DHX34: variants seen among roughly 807,000 people sequenced by gnomAD.
The protein encoded by DHX34 is DExH-box helicase 34.
In DHX34, 96 loss-of-function variants were observed where a neutral mutation model predicts 111.1. That is an observed-to-expected ratio of 0.86 (90% confidence interval 0.73 to 1.02). The LOEUF is 1.02. Ranked by LOEUF, DHX34 falls within the 50% of genes least tolerant of loss-of-function variation. The probability of loss-of-function intolerance (pLI) is 0.00; values close to 1 mark genes in which losing one functional copy is unlikely to be tolerated. For synonymous variants in DHX34, 688 were observed against 670.4 expected (o/e 1.03, Z -0.41); for missense variants, 1,560 against 1,579.9 (o/e 0.99, Z 0.21).
chr19:47,349,671 G>T (rs148911212), intron 1 of DHX34, among the ~76,000 whole-genome samples: 1 of 152,294 alleles, frequency 6.6e-6, no homozygotes, highest in Non-Finnish European at 1.5e-5. Context: ...CGAGAGTGCC[G>T]ATGGGTTCCA....
rs112007286 is a variant in DHX34 at position 47,358,180 on chromosome 19, G to A, written c.1272+60G>A. 56 of 1,560,228 alleles carry A rather than the reference G, an allele frequency of 3.6e-5. No homozygotes were observed. The African/African-American group carries it at 6.2e-4, about 17-fold the overall frequency. ...GTCTGCATGAGTCAGGGGTGGCTGC[G>A]CACAGGACTTGTGTAACTCCACAAA... On this transcript the variant is annotated intron_variant, in intron 4 of 16. Coordinates refer to ENST00000328771, the MANE Select transcript of DHX34 (RefSeq NM_014681.6).
Position 47,372,866 on chromosome 19 carries a change from G to T in DHX34, c.1905G>T (p.Leu635=). 2 of 1,610,958 alleles carry T rather than the reference G, an allele frequency of 1.2e-6. No homozygotes were observed. The highest frequency in any genetic ancestry group is 1.3e-5 in the African/African-American group (1 of 75,056). Residue 635 remains leucine, a synonymous_variant, in exon 8 of 17, where the codon CTG becomes CTT. Transcript: ENST00000328771. The stretch of plus-strand genomic sequence containing the variant: ...AGTGCGCGGCAGCACGGCGGCCGCT[G>T]GAGAGCGACCAGGGTGACCCCTTCA... ...SPECAAARRP[L]ESDQGDPFTL...
In DHX34 at chr19:47,377,098, AGAC is replaced by A. The variant is rs769560153; in HGVS notation, c.2602_2604del (p.Asp868del). Reference sequence around the variant, plus strand: ...CCTGAGCGGTCCTCCTCAACCTTTCAGACGACAAGGACAAGATGAGCAGCAAAC... The same window carrying A: ...CCTGAGCGGTCCTCCTCAACCTTTCAGACAAGGACAAGATGAGCAGCAAAC... On this transcript the variant is annotated splice_acceptor_variant and coding_sequence_variant, in exon 13 of 17. Coordinates refer to ENST00000328771, the MANE Select transcript of DHX34 (RefSeq NM_014681.6). LOFTEE classifies it high-confidence loss of function. 5.0e-6 allele frequency: 8 copies of A among 1,613,930 alleles called. No individual in the cohort carries two copies. The highest frequency in any genetic ancestry group is 2.2e-5 in the South Asian group (2 of 91,082).
At chr19:47,373,023 TG>T in intron 8 of DHX34, 100 bp downstream of exon 8, 24 of 1,399,818 alleles carry the variant, frequency 1.7e-5, no homozygotes, top group Non-Finnish European at 2.2e-5. Context: ...AGCCCCACCC[TG>T]GGAGGACCAC....
chr19:47,371,499 T>C (rs569032937), intron 7 of DHX34, among the ~76,000 whole-genome samples: 3 of 152,314 alleles, frequency 2.0e-5, no homozygotes, highest in African/African-American at 7.2e-5. Context: ...CACTTTTCCC[T>C]GGTGACAGAG....
At chr19:47,377,072 GC>G in intron 12 of DHX34, 27 bp from the exon 13 acceptor site, 1 of 1,613,372 alleles carries the variant, frequency 6.2e-7, no homozygotes, top group South Asian at 1.1e-5. Flanking sequence ...GCCAGGGTGG[GC>G]CTGAGCGGTC....
intron 5 of DHX34, among the ~76,000 whole-genome samples, chr19:47,360,948 G>A (rs1205120117): frequency 6.6e-6 from 1 of 151,928 alleles, no homozygotes; most frequent in Admixed American, 6.6e-5. Context: ...GGGATTACGG[G>A]CATGAGCCAC....
chr19:47,363,379 T>C (rs1379876860), intron 6 of DHX34, among the ~76,000 whole-genome samples: 1 of 150,970 alleles, frequency 6.6e-6, no homozygotes, highest in East Asian at 2.0e-4. Context: ...CCATGAGCCA[T>C]TGTGCCCAGC....
At chr19:47,351,171 CTTTTTTT>C (rs955543104) in intron 1 of DHX34, among the ~76,000 whole-genome samples, 1,734 of 93,080 alleles carry the variant, frequency 0.019, 52 homozygotes, top group African/African-American at 0.068. Context: ...TTTTCTTTTT[CTTTTTTT>C]TTTTTTTTTT....
intron 12 of DHX34, 156 bp from the exon 13 acceptor site, chr19:47,376,944 G>C (rs747410971): frequency 1.3e-6 from 2 of 1,539,536 alleles, no homozygotes; most frequent in Non-Finnish European, 1.7e-6. Flanking sequence ...GTCACATTCA[G>C]ATTTGGCTGA....
intron 3 of DHX34, among the ~76,000 whole-genome samples, chr19:47,355,972 C>T (rs1480386856): frequency 2.6e-5 from 4 of 152,160 alleles, no homozygotes; most frequent in Admixed American, 6.6e-5. Flanking sequence ...TTCAGGGATC[C>T]GGGCTCCTCC....
chr19:47,367,934 G>C (rs1470292999), intron 7 of DHX34, among the ~76,000 whole-genome samples: 1 of 150,214 alleles, frequency 6.7e-6, no homozygotes, highest in Non-Finnish European at 1.5e-5. Context: ...AAACAGGTGA[G>C]ATTCATTTTG....
In DHX34 at chr19:47,368,145, G is replaced by T. The variant is rs528205015; in HGVS notation, c.1768+990G>T. Among the ~76,000 whole-genome samples, 11 of 150,386 alleles carry T rather than the reference G, an allele frequency of 7.3e-5. No individual in the cohort carries two copies. The East Asian group carries it at 1.7e-3, about 24-fold the overall frequency. ...TGGACAGTGCAGATGGTGCATGAGG[G>T]TGTTCGGGCAGTGGGAACAGCCAGT... On this transcript the variant is annotated intron_variant, in intron 7 of 16. Coordinates refer to ENST00000328771, the MANE Select transcript of DHX34 (RefSeq NM_014681.6).
chr19:47,364,811 G>A (rs1004090235), intron 6 of DHX34, among the ~76,000 whole-genome samples: 5 of 152,096 alleles, frequency 3.3e-5, no homozygotes, highest in Non-Finnish European at 7.4e-5. Context: ...CAGAGAGAGA[G>A]AAAATATTGC....
At chr19:47,381,423 G>A (rs1970355255) in intron 16 of DHX34, 99 bp downstream of exon 16, 1 of 1,491,102 alleles carries the variant, frequency 6.7e-7, no homozygotes, top group South Asian at 1.3e-5. Context: ...GAGCTTCGAG[G>A]ACTGACGACC....
chr19:47,355,731 A>C (rs1454622476), intron 3 of DHX34, among the ~76,000 whole-genome samples: 2 of 152,086 alleles, frequency 1.3e-5, no homozygotes, highest in African/African-American at 4.8e-5. Flanking sequence ...GGGTGCCTGT[A>C]GTCCCAGCTA....
chr19:47,375,956 G>A lies in DHX34; in HGVS notation c.2340G>A (p.Ala780=), dbSNP rs142274669. 3.6e-5 allele frequency: 58 copies of A among 1,601,226 alleles called. No individual in the cohort carries two copies. Among genetic ancestry groups the A allele is most frequent in the East Asian group, 6.7e-5 (3 of 44,640 alleles). The change falls in exon 11 of 17, where the codon GCG becomes GCA. Residue 780 remains alanine (A), a synonymous_variant. Transcript: ENST00000328771. ...DVKFKLRHDL[A]QLQAAASSAQ... is the part of the protein sequence containing the mutation. ...AGTTCAAGCTTCGGCATGACCTGGC[G>A]CAGCTGCAGGCCGCTGCCAGCTCAG...
Position 47,381,102 on chromosome 19 carries a change from G to T in DHX34, c.3160-84G>T, listed in dbSNP as rs146133544. 2.0e-4 allele frequency: 315 copies of T among 1,578,732 alleles called. No individual in the cohort carries two copies. The African/African-American group carries it at 3.9e-3, about 20-fold the overall frequency. On this transcript the variant is annotated intron_variant, in intron 15 of 16. Coordinates refer to ENST00000328771, the MANE Select transcript of DHX34 (RefSeq NM_014681.6). ...CCAAGTGGGGCCCGTGGCCCTGAGG[G>T]CTTCTGGGAAGGGTCCCGGGGGGGC...
intron 15 of DHX34, 29 bp downstream of exon 15, chr19:47,381,021 TG>T: frequency 6.5e-7 from 1 of 1,542,814 alleles, no homozygotes; most frequent in Non-Finnish European, 8.7e-7. Context: ...TCCCTGAAGG[TG>T]GGATTTCAGG....
Sources: allele counts gnomAD v4.1 joint callset (sites outside exome capture counted in the v4.1 genomes callset), GRCh38; gene constraint gnomAD v4.1.1; transcripts MANE v1.5; gene names NCBI Gene and HGNC (gene_info 2026-07-23, HGNC 2026-07-21).